The following COL25A1 variants were observed in gnomAD, a reference collection of about 807,000 sequenced individuals.
COL25A1 encodes collagen type XXV alpha 1 chain, also known as collagen alpha-1(XXV) chain.
In COL25A1, 103 loss-of-function variants were observed where a neutral mutation model predicts 128.4. That is an observed-to-expected ratio of 0.80 (90% CI 0.68 to 0.94). The LOEUF (loss-of-function observed/expected upper bound fraction) is 0.94, where lower values mean the gene tolerates loss of function less well. COL25A1 is among the 40% of genes least tolerant of loss of function. The pLI is 0.00. For missense variants in COL25A1, 745 were observed against 840.0 expected, an observed-to-expected ratio of 0.89 and a Z score of 1.40; for synonymous variants, 279 against 277.2, an observed-to-expected ratio of 1.01 and a Z score of -0.06.
At chr4:109,195,264 C>CGTA (rs1334247181) in intron 3 of COL25A1, among the ~76,000 whole-genome samples, 1 of 152,106 alleles carries the variant, frequency 6.6e-6, no homozygotes, top group African/African-American at 2.4e-5. Flanking sequence ...AGCCAGTTGC[C>CGTA]GTAGATGAGC....
intron 18 of COL25A1, among the ~76,000 whole-genome samples, chr4:108,887,111 G>A (rs947161210): frequency 2.6e-5 from 4 of 151,982 alleles, no homozygotes; most frequent in Middle Eastern, 3.2e-3. Context: ...CTAAACTCTC[G>A]AGGCTATAAA....
At chr4:108,934,405 A>C (rs879744624) in intron 11 of COL25A1, among the ~76,000 whole-genome samples, 9 of 152,192 alleles carry the variant, frequency 5.9e-5, no homozygotes, top group Non-Finnish European at 1.3e-4. Context: ...TGATGGGTGC[A>C]GCAAAACAAC....
intron 3 of COL25A1, among the ~76,000 whole-genome samples, chr4:109,250,369 TACACACACACAC>T (rs61574026): frequency 1.5e-5 from 2 of 134,864 alleles, no homozygotes; most frequent in Non-Finnish European, 3.1e-5. Flanking sequence ...AAGTAGGAGA[TACACACACACAC>T]ACACACACAC....
chr4:109,265,518 CGTGTGTGTGTGTGTGTGTGTGTGTGTGT>C (rs57643656), intron 3 of COL25A1, among the ~76,000 whole-genome samples: 29 of 129,700 alleles, frequency 2.2e-4, no homozygotes, highest in African/African-American at 5.8e-4. Flanking sequence ...AATAACAGTA[CGTGTGTGTGTGTGTGTGTGTGTGTGTGT>C]GTGTGTGTGT....
At chr4:108,940,700 G>T in intron 9 of COL25A1, 54 bp from the exon 10 acceptor site, 1 of 1,225,040 alleles carries the variant, frequency 8.2e-7, no homozygotes, top group Non-Finnish European at 1.1e-6. Context: ...AAAGACCCAG[G>T]TCTTCTTTTC....
intron 19 of COL25A1, among the ~76,000 whole-genome samples, chr4:108,880,315 G>C (rs573069126): frequency 6.6e-6 from 1 of 152,294 alleles, no homozygotes; most frequent in African/African-American, 2.4e-5. Flanking sequence ...AATAGGAAAA[G>C]GGTATAGTGT....
chr4:109,134,071 C>A (rs1399419363), intron 3 of COL25A1, among the ~76,000 whole-genome samples: 3 of 151,752 alleles, frequency 2.0e-5, no homozygotes, highest in Non-Finnish European at 2.9e-5. Flanking sequence ...GAAAATACCT[C>A]AGACAGAGGG....
intron 3 of COL25A1, among the ~76,000 whole-genome samples, chr4:109,239,696 A>G (rs1779751409): frequency 6.6e-6 from 1 of 151,706 alleles, no homozygotes. Flanking sequence ...GGCCTTATAA[A>G]CACAGTATAC....
At chr4:108,877,539 G>A (rs1739596486) in intron 19 of COL25A1, among the ~76,000 whole-genome samples, 1 of 151,866 alleles carries the variant, frequency 6.6e-6, no homozygotes, top group Non-Finnish European at 1.5e-5. Flanking sequence ...TACCTTTAAG[G>A]TAAGATTTTT....
chr4:109,011,479 C>G (rs1756583082), intron 5 of COL25A1, among the ~76,000 whole-genome samples: 1 of 152,130 alleles, frequency 6.6e-6, no homozygotes, highest in African/African-American at 2.4e-5. Context: ...TGTTACTCAC[C>G]CCACTCCTGT....
chr4:109,299,980 T>C (rs1207746310), intron 3 of COL25A1, among the ~76,000 whole-genome samples: 1 of 152,038 alleles, frequency 6.6e-6, no homozygotes, highest in Non-Finnish European at 1.5e-5. Context: ...AAGGTAAAAA[T>C]ATAAGAGCCT....
intron 3 of COL25A1, among the ~76,000 whole-genome samples, chr4:109,205,891 A>C (rs1776945353): frequency 6.6e-6 from 1 of 152,102 alleles, no homozygotes; most frequent in Admixed American, 6.6e-5. Context: ...CAATGCTTTA[A>C]GATTGACCTA....
At chr4:109,209,533 T>A (rs979924694) in intron 3 of COL25A1, among the ~76,000 whole-genome samples, 3 of 152,284 alleles carry the variant, frequency 2.0e-5, no homozygotes, top group South Asian at 2.1e-4. Context: ...AATTTTAGTA[T>A]CTTTGGGGAT....
At chr4:108,941,565 G>T in intron 8 of COL25A1, 128 bp from the exon 9 acceptor site, 1 of 641,392 alleles carries the variant, frequency 1.6e-6, no homozygotes, top group Non-Finnish European at 2.7e-6. Context: ...AAACAAAATA[G>T]AACTGGCACT....
chr4:109,183,922 T>TAA (rs1560827791), intron 3 of COL25A1, among the ~76,000 whole-genome samples: 60 of 116,630 alleles, frequency 5.1e-4, no homozygotes, highest in African/African-American at 2.3e-3. Context: ...CACACCAACT[T>TAA]CAAAAAAAAA....
rs557297595 is a variant in COL25A1 at position 108,915,529 on chromosome 4, T to C, written c.780+2643A>G. 3.3e-5 allele frequency among the ~76,000 whole-genome samples: 5 copies of C among 152,316 alleles called. No homozygotes were observed. The South Asian group carries it at 1.0e-3, about 32-fold the overall frequency. ...GTTTTCTTAAAATAGTATACTTTTC[T>C]TTCTTTTTTTCAAACATAAGAAAAT... is the stretch of plus-strand genomic sequence containing the variant. On this transcript the variant is annotated intron_variant, in intron 13 of 37. Transcript: ENST00000399132.
intron 6 of COL25A1, among the ~76,000 whole-genome samples, chr4:108,982,596 T>C (rs143880373): frequency 6.6e-6 from 1 of 152,304 alleles, no homozygotes; most frequent in Non-Finnish European, 1.5e-5. Flanking sequence ...GTGTTTATTA[T>C]AGTGTCAAAC....
chr4:109,178,158 C>T (rs1235407318), intron 3 of COL25A1, among the ~76,000 whole-genome samples: 1 of 152,174 alleles, frequency 6.6e-6, no homozygotes, highest in African/African-American at 2.4e-5. Context: ...CTCCTATATA[C>T]ATCCTTATGC....
At chr4:108,828,164 A>T (rs1453534006) in intron 32 of COL25A1, among the ~76,000 whole-genome samples, 1 of 152,158 alleles carries the variant, frequency 6.6e-6, no homozygotes, top group Non-Finnish European at 1.5e-5. Flanking sequence ...ATTTTGAGAC[A>T]GAGTCTTGCT....
Sources: gnomAD v4.1 joint callset for allele counts (sites outside exome capture counted in the v4.1 genomes callset) on GRCh38, gnomAD v4.1.1 for gene constraint, MANE v1.5 for transcripts, NCBI Gene and HGNC (gene_info 2026-07-23, HGNC 2026-07-21) for gene names.